Variants in BMP8A observed in about 807,000 individuals in gnomAD.
BMP8A encodes the protein BMP-8A.
A neutral mutation model predicts 36.8 loss-of-function variants in BMP8A; 14 were observed. The observed-to-expected ratio is 0.38, with a 90% CI of 0.25 to 0.60. The LOEUF is 0.60. BMP8A is among the 20% of genes least tolerant of loss of function. BMP8A has a pLI of 0.63. For missense variants in BMP8A, 267 were observed against 551.1 expected, an observed-to-expected ratio of 0.48 and a Z score of 5.16; for synonymous variants, 120 against 237.7, an observed-to-expected ratio of 0.50 and a Z score of 4.55.
At position 39,525,847 on chromosome 1, in the gene BMP8A, C is replaced by T; in HGVS notation, c.*49C>T. 1 of 1,609,522 alleles carries T rather than the reference C, an allele frequency of 6.2e-7. No individual in the cohort carries two copies. ...AGCCACCCTTCTCATCTGGATCGGGCCCTGCAGAGGCAGAAAACCCTTAAA... is the reference window on the plus strand; with the variant it reads ...AGCCACCCTTCTCATCTGGATCGGGTCCTGCAGAGGCAGAAAACCCTTAAA... On this transcript the variant is annotated 3_prime_UTR_variant, in exon 7 of 7. Transcript: ENST00000331593.
At chr1:39,518,156 C>G (rs1027747043) in intron 3 of BMP8A, among the ~76,000 whole-genome samples, 2 of 152,158 alleles carry the variant, frequency 1.3e-5, no homozygotes, top group African/African-American at 4.8e-5. Context: ...CCAAGCCTGG[C>G]CTGGTGCATG....
At chr1:39,523,589 C>G in intron 6 of BMP8A, 2 of 1,418,912 alleles carry the variant, frequency 1.4e-6, no homozygotes, top group Non-Finnish European at 1.8e-6. Context: ...CAGGAAGCTT[C>G]TAGATGGTGT....
At chr1:39,503,779 C>T (rs945735962) in intron 1 of BMP8A, among the ~76,000 whole-genome samples, 2 of 151,818 alleles carry the variant, frequency 1.3e-5, no homozygotes, top group African/African-American at 2.4e-5. Flanking sequence ...ACCCAAAGTG[C>T]TAGGATTATA....
chr1:39,503,876 G>A (rs1487374808), intron 1 of BMP8A, among the ~76,000 whole-genome samples: 2 of 152,200 alleles, frequency 1.3e-5, no homozygotes, highest in South Asian at 2.1e-4. Flanking sequence ...GGAAGGTTGT[G>A]GCTGCAGTAA....
chr1:39,516,960 T>C (rs2257568), intron 3 of BMP8A, among the ~76,000 whole-genome samples: 1,419 of 150,234 alleles, frequency 9.4e-3, no homozygotes, highest in African/African-American at 0.033. Flanking sequence ...GCTATCTTCA[T>C]GAGCTTGTTT....
chr1:39,523,105 C>T lies in BMP8A; in HGVS notation c.1047C>T (p.Ile349=). The T allele has an allele frequency of 6.2e-7, 1 of 1,613,952 alleles. No individual in the cohort carries two copies. Among genetic ancestry groups the T allele is most frequent in the East Asian group, 2.2e-5 (1 of 44,868 alleles). The change falls in exon 6 of 7, where the codon ATC becomes ATT. Residue 349 remains isoleucine (I), a synonymous_variant. Transcript: ENST00000331593. The part of the protein sequence containing the change: ...DSCMNATNHA[I]LQSLVHLMKP... Reference sequence around the variant, plus strand: ...GCATGAACGCCACCAACCACGCCATCCTGCAGTCCCTGGTCAGTACCGTGC... The same window carrying T: ...GCATGAACGCCACCAACCACGCCATTCTGCAGTCCCTGGTCAGTACCGTGC...
chr1:39,503,550 T>C (rs977810882), intron 1 of BMP8A, among the ~76,000 whole-genome samples: 5 of 128,178 alleles, frequency 3.9e-5, no homozygotes, highest in African/African-American at 1.5e-4. Flanking sequence ...GGAGTCTCGC[T>C]CTCTCCCAGG....
chr1:39,502,217 G>A (rs1364151921), intron 1 of BMP8A, among the ~76,000 whole-genome samples: 7 of 127,158 alleles, frequency 5.5e-5, no homozygotes, highest in East Asian at 2.3e-4. Context: ...CAGCCTGGCC[G>A]ACAGAGTGAG....
At position 39,524,459 on chromosome 1, in the gene BMP8A, C is replaced by G. The variant is rs1645461876; in HGVS notation, c.1060-1190C>G. Among the ~76,000 whole-genome samples, 1 of 152,154 alleles carries G rather than the reference C, an allele frequency of 6.6e-6. No homozygotes were observed. The highest frequency in any genetic ancestry group is 1.5e-5 in the Non-Finnish European group (1 of 68,030). Reference sequence around the variant, plus strand: ...AGTGGAGTGAGACTGGGCCCAGCCTCTCCACACAAGGAGGGGCACGTCAGC... The same window carrying G: ...AGTGGAGTGAGACTGGGCCCAGCCTGTCCACACAAGGAGGGGCACGTCAGC... On this transcript the variant is annotated intron_variant, in intron 6 of 6. Coordinates refer to ENST00000331593, the MANE Select transcript of BMP8A (RefSeq NM_181809.4). This position sits in a 1 kb window ranked among gnomAD's most constrained non-coding sequence, Gnocchi z 4.0.
chr1:39,514,979 G>T (rs950846408), intron 3 of BMP8A: 10 of 1,527,556 alleles, frequency 6.5e-6, no homozygotes, highest in African/African-American at 1.4e-5. Flanking sequence ...GGCTCCTGGC[G>T]TCAGTGCTCG....
At chr1:39,505,380 C>T (rs1645292431) in intron 1 of BMP8A, among the ~76,000 whole-genome samples, 1 of 152,218 alleles carries the variant, frequency 6.6e-6, no homozygotes, top group South Asian at 2.1e-4. Context: ...TTTAACAAAA[C>T]ACATCCTGCA....
chr1:39,521,794 TC>T (rs1231486032), intron 4 of BMP8A, among the ~76,000 whole-genome samples: 2 of 61,372 alleles, frequency 3.3e-5, no homozygotes, highest in Non-Finnish European at 7.3e-5. Flanking sequence ...TCTCCCTCTC[TC>T]CCCCTGGCTC....
At chr1:39,494,301 T>C (rs976677751) in intron 1 of BMP8A, among the ~76,000 whole-genome samples, 17 of 152,100 alleles carry the variant, frequency 1.1e-4, no homozygotes, top group Non-Finnish European at 2.4e-4. Flanking sequence ...GTGAACTTTT[T>C]CTTTTCTTTT....
Position 39,527,390 on chromosome 1 carries a change from C to T in BMP8A, c.*1592C>T, listed in dbSNP as rs1645493580. The stretch of plus-strand genomic sequence containing the variant: ...ACAGACAGAGTCCAGCTGCCCAAAC[C>T]GTGTCATTAAAAGCAGATCCTGGGC... On this transcript the variant is annotated 3_prime_UTR_variant, in exon 7 of 7. Transcript: ENST00000331593. Among the ~76,000 whole-genome samples, 1 of 152,310 alleles carries T rather than the reference C, an allele frequency of 6.6e-6. No homozygotes were observed. Among genetic ancestry groups the T allele is most frequent in the South Asian group, 2.1e-4 (1 of 4,832 alleles).
rs1645482424 is a variant in BMP8A, at chr1:39,526,247, C to T, written c.*449C>T. Reference sequence around the variant, plus strand: ...ATTGGACACGCTTATGTTCTCAGCACAGTGTGTTCTGGGATTCTTCTCATT... The same window carrying T: ...ATTGGACACGCTTATGTTCTCAGCATAGTGTGTTCTGGGATTCTTCTCATT... On this transcript the variant is annotated 3_prime_UTR_variant, in exon 7 of 7. Coordinates refer to ENST00000331593, the MANE Select transcript of BMP8A (RefSeq NM_181809.4). Among the ~76,000 whole-genome samples, 1 of 152,276 alleles carries T rather than the reference C, an allele frequency of 6.6e-6. No homozygotes were observed. The highest frequency in any genetic ancestry group is 2.1e-4 in the South Asian group (1 of 4,818).
Position 39,527,238 on chromosome 1 carries a change from G to A in BMP8A, c.*1440G>A, listed in dbSNP as rs1645492030. ...GAGTGACAGGCAGTAATTAGGCTGA[G>A]TTGGGTGGGGAGGTTTGTCTCGGCC... On this transcript the variant is annotated 3_prime_UTR_variant, in exon 7 of 7. Transcript: ENST00000331593. 3.3e-5 allele frequency among the ~76,000 whole-genome samples: 5 copies of A among 152,336 alleles called. No homozygotes were observed. In the South Asian group the frequency reaches 1.0e-3, roughly 32 times the overall value.
At chr1:39,494,317 CCTTT>C (rs1322126889) in intron 1 of BMP8A, among the ~76,000 whole-genome samples, 1 of 150,624 alleles carries the variant, frequency 6.6e-6, no homozygotes, top group Admixed American at 6.6e-5. Context: ...CTTTTCTTTT[CCTTT>C]CTTTCCTTCT....
At position 39,492,011 on chromosome 1, in the gene BMP8A, C is replaced by CAGA; in HGVS notation, c.20_21insAGA (p.Pro7_Leu8insGlu). 2 of 1,089,038 alleles carry CAGA rather than the reference C, an allele frequency of 1.8e-6. No individual in the cohort carries two copies. The highest frequency in any genetic ancestry group is 2.2e-6 in the Non-Finnish European group (2 of 897,786). The allele number at this position is 1,089,038 out of a possible 1,614,324, so 67.5% of individuals were successfully genotyped here. On this transcript the variant is annotated inframe_insertion, in exon 1 of 7. Transcript: ENST00000331593. ...CCCGCCATGGCCGCGCGCCCCGGAC[C>CAGA]GCTCTGGCTTCTGGGCCTGACGTTG...
Position 39,527,663 on chromosome 1 carries a change from T to C in BMP8A, c.*1865T>C, listed in dbSNP as rs562604878. 1.6e-4 allele frequency among the ~76,000 whole-genome samples: 25 copies of C among 152,314 alleles called. No homozygotes were observed. The highest frequency in any genetic ancestry group is 2.8e-4 in the Non-Finnish European group (19 of 68,024). ...GTACATAAAGGGTGGGCCCAGGCTG[T>C]CTGGAAGATGGTGAGTTCCCCACTA... On this transcript the variant is annotated 3_prime_UTR_variant, in exon 7 of 7. Transcript: ENST00000331593.
Sources: gnomAD v4.1 joint callset for allele counts (sites outside exome capture counted in the v4.1 genomes callset) on GRCh38, gnomAD v4.1.1 for gene constraint, Gnocchi (gnomAD v3.1) non-coding constraint, MANE v1.5 for transcripts, NCBI Gene and HGNC (gene_info 2026-07-23, HGNC 2026-07-21) for gene names.